ASXL3: variants seen among roughly 807,000 people sequenced by gnomAD.
ASXL3 encodes ASXL transcriptional regulator 3.
A neutral mutation model predicts 170.6 loss-of-function variants in ASXL3; 34 were observed. The ratio of observed to expected loss-of-function variants is 0.20; its 90% CI spans 0.15 to 0.27. ASXL3 has a LOEUF of 0.27. ASXL3 is among the 10% of genes least tolerant of loss of function. ASXL3 has a pLI of 1.00. For synonymous variants in ASXL3, 1,002 were observed against 989.1 expected, an observed-to-expected ratio of 1.01 and a Z score of -0.24; for missense variants, 2,592 against 2,695.3, an observed-to-expected ratio of 0.96 and a Z score of 0.85.
At chr18:33,683,273 TA>T in intron 7 of ASXL3, 131 bp from the exon 8 acceptor site, 1 of 706,698 alleles carries the variant, frequency 1.4e-6, no homozygotes, top group Non-Finnish European at 2.1e-6. Flanking sequence ...ATACCATTTG[TA>T]AAAGGGGTAG....
intron 8 of ASXL3, among the ~76,000 whole-genome samples, chr18:33,719,769 C>G (rs1281868419): frequency 1.3e-5 from 2 of 152,098 alleles, no homozygotes; most frequent in East Asian, 3.9e-4. Flanking sequence ...GAGGCAACAG[C>G]AAGAAGACAT....
In ASXL3 at chr18:33,664,682, A is replaced by G. The variant is rs1348158933; in HGVS notation, c.477+2945A>G. Among the ~76,000 whole-genome samples, 3 of 152,202 alleles carry G rather than the reference A, an allele frequency of 2.0e-5. No individual in the cohort carries two copies. In the East Asian group the frequency reaches 5.8e-4, roughly 29 times the overall value. On this transcript the variant is annotated intron_variant, in intron 5 of 11. Coordinates refer to ENST00000269197, the MANE Select transcript of ASXL3 (RefSeq NM_030632.3). ...TGCCAGGCATAATTTCTCAAGTCTG[A>G]AGGCCTGTACTTTCTACCCCTGCCT...
chr18:33,684,024 T>C (rs2066554262), intron 8 of ASXL3, among the ~76,000 whole-genome samples: 1 of 152,144 alleles, frequency 6.6e-6, no homozygotes, highest in African/African-American at 2.4e-5. Context: ...ATGAATATGA[T>C]TGCCTATAAA....
Position 33,743,022 on chromosome 18 carries a change from G to A in ASXL3, c.3174G>A (p.Lys1058=). Residue 1058 remains lysine, a synonymous_variant, in exon 12 of 12, where the codon AAG becomes AAA. Transcript: ENST00000269197. ...GAGCCAGGACCCTCGCAGATATCAA[G>A]GCCCGGGCCCAACAAGCTCGGGCCC... The part of the protein sequence containing the change: ...NTGARTLADI[K]ARAQQARAQR... 2 of 1,613,818 alleles carry A rather than the reference G, an allele frequency of 1.2e-6. No homozygotes were observed. The highest frequency in any genetic ancestry group is 1.7e-6 in the Non-Finnish European group (2 of 1,179,838).
At chr18:33,668,942 A>T (rs908584774) in intron 5 of ASXL3, among the ~76,000 whole-genome samples, 1 of 151,250 alleles carries the variant, frequency 6.6e-6, no homozygotes, top group African/African-American at 2.4e-5. Flanking sequence ...AAAATGTCTA[A>T]TTTTTTTTTC....
chr18:33,735,151 C>G (rs1441601996), intron 10 of ASXL3, among the ~76,000 whole-genome samples: 1 of 152,216 alleles, frequency 6.6e-6, no homozygotes, highest in Non-Finnish European at 1.5e-5. Context: ...CACATACAAA[C>G]CAATACTTGA....
At chr18:33,702,356 C>G (rs9962729) in intron 8 of ASXL3, among the ~76,000 whole-genome samples, 1 of 151,448 alleles carries the variant, frequency 6.6e-6, no homozygotes, top group African/African-American at 2.4e-5. Context: ...ATATACTACT[C>G]CTCTCTTCCT....
At chr18:33,602,386 T>C (rs936279721) in intron 1 of ASXL3, among the ~76,000 whole-genome samples, 4 of 152,082 alleles carry the variant, frequency 2.6e-5, no homozygotes, top group African/African-American at 7.2e-5. Context: ...CAGCCACATA[T>C]GCTGGGAGTG....
chr18:33,652,057 G>C (rs751920818), intron 4 of ASXL3, among the ~76,000 whole-genome samples: 8 of 152,064 alleles, frequency 5.3e-5, no homozygotes, highest in Non-Finnish European at 1.2e-4. Context: ...AAGCTTTAGA[G>C]ATCAAAGAAT....
chr18:33,726,501 T>C (rs1204264135), intron 8 of ASXL3, among the ~76,000 whole-genome samples: 1 of 152,180 alleles, frequency 6.6e-6, no homozygotes, highest in Non-Finnish European at 1.5e-5. Context: ...CCACTGGATA[T>C]TGAAGAATTC....
Position 33,578,638 on chromosome 18 carries a change from G to C in ASXL3, c.7G>C (p.Asp3His). The part of the protein sequence containing the change: MK[D>H]KRKKKDRTWA... ...CCATCAATGAGATGCAAACATGAAAGACAAGAGGAAGAAGAAGGACCGCAC... is the reference window on the plus strand; with the variant it reads ...CCATCAATGAGATGCAAACATGAAACACAAGAGGAAGAAGAAGGACCGCAC... Residue 3 changes from aspartate (D) to histidine (H), a missense_variant, in exon 1 of 12, where the codon GAC becomes CAC. Asp to His is a moderately conservative substitution (Grantham distance 81). Coordinates refer to ENST00000269197, the MANE Select transcript of ASXL3 (RefSeq NM_030632.3). 3 of 1,359,590 alleles carry C rather than the reference G, an allele frequency of 2.2e-6. No individual in the cohort carries two copies. The highest frequency in any genetic ancestry group is 2.9e-6 in the Non-Finnish European group (3 of 1,029,936). The allele number at this position is 1,359,590 out of a possible 1,614,324, so 84.2% of individuals were successfully genotyped here.
At chr18:33,699,281 G>A (rs2066828985) in intron 8 of ASXL3, among the ~76,000 whole-genome samples, 1 of 152,086 alleles carries the variant, frequency 6.6e-6, no homozygotes, top group Non-Finnish European at 1.5e-5. Flanking sequence ...AGGAAACCAT[G>A]CTTACATAAA....
At chr18:33,637,106 GAA>G (rs1274489797) in intron 2 of ASXL3, among the ~76,000 whole-genome samples, 12 of 152,076 alleles carry the variant, frequency 7.9e-5, no homozygotes, top group Admixed American at 7.9e-4. Flanking sequence ...ATTTTTCACA[GAA>G]AAAGAGAGCT....
At chr18:33,665,758 T>C (rs546025099) in intron 5 of ASXL3, among the ~76,000 whole-genome samples, 1 of 149,896 alleles carries the variant, frequency 6.7e-6, no homozygotes, top group East Asian at 2.0e-4. Flanking sequence ...TATTTAAAGG[T>C]TTTTTTTTTC....
rs1382869258 is a variant in ASXL3 at position 33,668,942 on chromosome 18, A to AT, written c.478-1722dup. On this transcript the variant is annotated intron_variant, in intron 5 of 11. Transcript: ENST00000269197. Reference sequence around the variant, plus strand: ...ACACAAACTATTTTTAAAATGTCTAATTTTTTTTTCCATGAGAAGTAGTTT... The same window carrying AT: ...ACACAAACTATTTTTAAAATGTCTAATTTTTTTTTTCCATGAGAAGTAGTTT... 5.9e-5 allele frequency among the ~76,000 whole-genome samples: 9 copies of AT among 151,362 alleles called. No individual in the cohort carries two copies. In the East Asian group the frequency reaches 7.7e-4, roughly 13 times the overall value.
At chr18:33,627,588 T>C (rs1470819965) in intron 2 of ASXL3, among the ~76,000 whole-genome samples, 1 of 152,156 alleles carries the variant, frequency 6.6e-6, no homozygotes, top group Non-Finnish European at 1.5e-5. Flanking sequence ...CTTGGGACCC[T>C]TTTAAGCAAA....
rs748424194 is a variant in ASXL3, at chr18:33,743,709, A to T, written c.3861A>T (p.Gly1287=). The T allele has an allele frequency of 6.2e-7, 1 of 1,613,898 alleles. No individual in the cohort carries two copies. The highest frequency in any genetic ancestry group is 1.7e-5 in the Admixed American group (1 of 60,024). ...CNISMLKTIQ[G]TDTPCIAIIP... is the part of the protein sequence containing the mutation. Reference sequence around the variant, plus strand: ...TAAGCATGTTAAAAACCATCCAGGGAACTGACACTCCATGCATAGCCATTA... The same window carrying T: ...TAAGCATGTTAAAAACCATCCAGGGTACTGACACTCCATGCATAGCCATTA... Residue 1287 remains glycine, a synonymous_variant, in exon 12 of 12, where the codon GGA becomes GGT. Coordinates refer to ENST00000269197, the MANE Select transcript of ASXL3 (RefSeq NM_030632.3).
At chr18:33,607,538 T>C in intron 1 of ASXL3, 56 bp from the exon 2 acceptor site, 1 of 1,365,852 alleles carries the variant, frequency 7.3e-7, no homozygotes. Flanking sequence ...TTCACATACA[T>C]TTTCATTTTG....
At chr18:33,623,082 C>T (rs2065541074) in intron 2 of ASXL3, among the ~76,000 whole-genome samples, 1 of 152,122 alleles carries the variant, frequency 6.6e-6, no homozygotes, top group African/African-American at 2.4e-5. Context: ...CCTCTAATGG[C>T]CTTCACCAAT....
Sources: allele counts gnomAD v4.1 joint callset (sites outside exome capture counted in the v4.1 genomes callset), GRCh38; gene constraint gnomAD v4.1.1; transcripts MANE v1.5; gene names NCBI Gene and HGNC (gene_info 2026-07-23, HGNC 2026-07-21).